The following OCIAD1 variants were observed in gnomAD, a reference collection of about 807,000 sequenced individuals.
OCIAD1 encodes the protein OCIA domain containing 1.
Under a neutral mutation model 38.9 loss-of-function variants are expected in OCIAD1, and 29 were observed. That is an observed-to-expected ratio of 0.74 (90% CI 0.55 to 1.02). OCIAD1 has a LOEUF of 1.02. Among genes scored for constraint, OCIAD1 ranks in the 50% least tolerant of loss-of-function variants. The pLI, the probability that OCIAD1 is intolerant of heterozygous loss-of-function variation, is 0.00. For synonymous variants in OCIAD1, 110 were observed against 92.0 expected (o/e 1.20, Z -1.12); for missense variants, 288 against 289.6 (o/e 0.99, Z 0.04).
At chr4:48,824,587 A>T (rs970737002) in intron 1 of OCIAD1, among the ~76,000 whole-genome samples, 1 of 150,264 alleles carries the variant, frequency 6.7e-6, no homozygotes, top group Non-Finnish European at 1.5e-5. Context: ...GGGTCTTTTT[A>T]TGTTGCCCAG....
intron 3 of OCIAD1, among the ~76,000 whole-genome samples, chr4:48,840,997 T>C (rs1367350287): frequency 6.6e-6 from 1 of 152,086 alleles, no homozygotes; most frequent in African/African-American, 2.4e-5. Flanking sequence ...GCCTTGGTGA[T>C]AGAGTGAGAC....
intron 5 of OCIAD1, among the ~76,000 whole-genome samples, chr4:48,849,670 A>G (rs1779258961): frequency 6.6e-6 from 1 of 152,120 alleles, no homozygotes; most frequent in Admixed American, 6.5e-5. Context: ...TCTTTCCTGT[A>G]TATATTATAA....
chr4:48,817,991 A>G (rs2109492664), intron 1 of OCIAD1, among the ~76,000 whole-genome samples: 1 of 152,280 alleles, frequency 6.6e-6, no homozygotes, highest in African/African-American at 2.4e-5. Flanking sequence ...CAGCGGATTT[A>G]ATCATTCCTG....
chr4:48,809,469 T>C (rs1777063844), intron 1 of OCIAD1, among the ~76,000 whole-genome samples: 1 of 152,048 alleles, frequency 6.6e-6, no homozygotes, highest in Non-Finnish European at 1.5e-5. Context: ...GAGGTTGCGG[T>C]GAGTCAAGAT....
At chr4:48,858,594 C>T (rs938522350) in intron 8 of OCIAD1, among the ~76,000 whole-genome samples, 12 of 152,148 alleles carry the variant, frequency 7.9e-5, no homozygotes, top group African/African-American at 2.9e-4. Flanking sequence ...GCTGGGACTA[C>T]AGTTGTATGC....
chr4:48,815,367 G>A (rs1472853919), intron 1 of OCIAD1, among the ~76,000 whole-genome samples: 1 of 152,178 alleles, frequency 6.6e-6, no homozygotes, highest in Admixed American at 6.5e-5. Flanking sequence ...GCAGATGCAA[G>A]ATTTCTCTCT....
chr4:48,812,311 A>AAAAAAAAAAAAAAAAAAAAAAAAAAAAT (rs1777097561), intron 1 of OCIAD1, among the ~76,000 whole-genome samples: 1 of 148,480 alleles, frequency 6.7e-6, no homozygotes, highest in Non-Finnish European at 1.5e-5. Context: ...AAAAAAAAAA[A>AAAAAAAAAAAAAAAAAAAAAAAAAAAAT]AAAAAGAAAA....
At position 48,851,874 on chromosome 4, in the gene OCIAD1, C is replaced by G; in HGVS notation, c.446C>G (p.Ala149Gly). The change falls in exon 7 of 9, where the codon GCA becomes GGA. Residue 149 changes from alanine (A) to glycine (G), a missense_variant. Transcript: ENST00000264312. ...CAATCATCTTTTGTGACATCCCCAG[C>G]AGCAGACAACATAGAAATGCTTCCT... ...SGQSSFVTSP[A>G]ADNIEMLPHY... is the part of the protein sequence containing the mutation. 6.2e-7 allele frequency: 1 copy of G among 1,613,430 alleles called. No individual in the cohort carries two copies.
At chr4:48,808,085 C>T (rs1255055333) in intron 1 of OCIAD1, among the ~76,000 whole-genome samples, 1 of 152,220 alleles carries the variant, frequency 6.6e-6, no homozygotes, top group Non-Finnish European at 1.5e-5. Flanking sequence ...ATACATCCAA[C>T]TGTTCACTAC....
rs748925148 is a variant in OCIAD1 at position 48,832,689 on chromosome 4, A to G, written c.58+7A>G. ...GTTCCAAGACCAATTCCCCGTAACT[A>G]TCTATTAAGTATTTATAATTAGAAG... On this transcript the variant is annotated splice_region_variant and intron_variant, in intron 2 of 8. Coordinates refer to ENST00000264312, the MANE Select transcript of OCIAD1 (RefSeq NM_017830.4). 21 of 1,600,918 alleles carry G rather than the reference A, an allele frequency of 1.3e-5. No individual in the cohort carries two copies. The highest frequency in any genetic ancestry group is 1.7e-5 in the Admixed American group (1 of 59,976).
intron 2 of OCIAD1, 58 bp downstream of exon 2, chr4:48,832,740 C>G: frequency 1.5e-6 from 2 of 1,291,496 alleles, no homozygotes. Context: ...GGAATTTTCA[C>G]TGCCTTGAGT....
At chr4:48,807,006 C>T (rs560358044) in intron 1 of OCIAD1, among the ~76,000 whole-genome samples, 16 of 152,250 alleles carry the variant, frequency 1.1e-4, no homozygotes, top group African/African-American at 3.6e-4. Context: ...TGGGCTCAAG[C>T]GATTCTCCTG....
intron 1 of OCIAD1, among the ~76,000 whole-genome samples, chr4:48,825,126 C>A (rs1237960750): frequency 7.9e-5 from 12 of 152,174 alleles, no homozygotes; most frequent in Non-Finnish European, 8.8e-5. Context: ...ATGGACACCA[C>A]AAAAAGGACA....
intron 8 of OCIAD1, chr4:48,860,042 G>C (rs1780459634): frequency 6.6e-6 from 1 of 152,240 alleles, no homozygotes; most frequent in Admixed American, 6.5e-5. Flanking sequence ...TGTGATAACT[G>C]CTGCTTTATA....
At chr4:48,819,744 A>AAAAAAAAAAT (rs1560408325) in intron 1 of OCIAD1, among the ~76,000 whole-genome samples, 1 of 95,408 alleles carries the variant, frequency 1.0e-5, no homozygotes, top group Non-Finnish European at 2.2e-5. Context: ...AAAAAAAAAA[A>AAAAAAAAAAT]GGAGGGGTTG....
At chr4:48,855,727 A>G (rs1579113813) in intron 7 of OCIAD1, among the ~76,000 whole-genome samples, 1 of 152,068 alleles carries the variant, frequency 6.6e-6, no homozygotes, top group African/African-American at 2.4e-5. Context: ...CAGGCAGGAC[A>G]ATCACTGGAA....
chr4:48,818,126 G>A (rs1036604406), intron 1 of OCIAD1, among the ~76,000 whole-genome samples: 7 of 152,166 alleles, frequency 4.6e-5, no homozygotes, highest in African/African-American at 1.7e-4. Flanking sequence ...CTCCTGACTG[G>A]GAATAACCTC....
At chr4:48,856,285 A>T (rs1780038225) in intron 7 of OCIAD1, 2 of 152,234 alleles carry the variant, frequency 1.3e-5, no homozygotes, top group African/African-American at 4.8e-5. Context: ...ATAACAGTTG[A>T]TACTTTCTTC....
chr4:48,807,884 A>C (rs930269245), intron 1 of OCIAD1, among the ~76,000 whole-genome samples: 1 of 152,230 alleles, frequency 6.6e-6, no homozygotes, highest in African/African-American at 2.4e-5. Context: ...AACTTCATCT[A>C]TGGCCTGATG....
Sources: allele counts gnomAD v4.1 joint callset (sites outside exome capture counted in the v4.1 genomes callset), GRCh38; gene constraint gnomAD v4.1.1; transcripts MANE v1.5; gene names NCBI Gene and HGNC (gene_info 2026-07-23, HGNC 2026-07-21).